Variants in HIVEP3 observed in about 807,000 individuals in gnomAD.
HIVEP3 encodes the protein transcription factor HIVEP3.
HIVEP3 carries 49 observed loss-of-function variants against 152.8 expected under a neutral mutation model. The observed-to-expected ratio is 0.32, with a 90% confidence interval of 0.26 to 0.41. HIVEP3 has a LOEUF of 0.41. Ranked by LOEUF, HIVEP3 falls within the 10% of genes least tolerant of loss-of-function variation. The pLI is 1.00. For missense variants in HIVEP3, 2,790 were observed against 3,103.3 expected, an observed-to-expected ratio of 0.90 and a Z score of 2.40; for synonymous variants, 1,269 against 1,289.0, an observed-to-expected ratio of 0.98 and a Z score of 0.33.
intron 1 of HIVEP3, among the ~76,000 whole-genome samples, chr1:41,910,490 C>A (rs1644778388): frequency 6.6e-6 from 1 of 151,860 alleles, no homozygotes; most frequent in Non-Finnish European, 1.5e-5. Flanking sequence ...AGGAAATATT[C>A]TATAACTTAC....
rs9943082 is a variant in HIVEP3 at position 41,582,785 on chromosome 1, G to C, written c.2013C>G (p.Ile671Met). The C allele has an allele frequency of 1.2e-6, 2 of 1,614,050 alleles. No homozygotes were observed. The highest frequency in any genetic ancestry group is 1.7e-6 in the Non-Finnish European group (2 of 1,180,034). The change falls in exon 4 of 9, where the codon ATC becomes ATG. Residue 671 changes from isoleucine to methionine, a missense_variant. Coordinates refer to ENST00000372583, the MANE Select transcript of HIVEP3 (RefSeq NM_024503.5). The surrounding 1 kb of genome is among the most constrained non-coding windows in gnomAD (Gnocchi z 4.7). ...GGGTGCCTGCAGAGATGGGCTTTGC[G>C]ATCTGAAGCTCTGAGCAGTAGTATT... Reference protein sequence around the residue: ...HKKYYCSELQIAKPISAGTHT... With the variant: ...HKKYYCSELQMAKPISAGTHT...
chr1:41,857,457 T>C (rs1278726283), intron 1 of HIVEP3, among the ~76,000 whole-genome samples: 1 of 152,072 alleles, frequency 6.6e-6, no homozygotes, highest in Non-Finnish European at 1.5e-5. Context: ...ATTTAAGTGA[T>C]TTAAAGAAGA....
At chr1:41,703,901 T>G (rs1646397973) in intron 1 of HIVEP3, among the ~76,000 whole-genome samples, 2 of 152,162 alleles carry the variant, frequency 1.3e-5, no homozygotes, top group African/African-American at 4.8e-5. Flanking sequence ...GATTCCAGGA[T>G]TCAAAGGCCT....
intron 1 of HIVEP3, among the ~76,000 whole-genome samples, chr1:41,945,891 A>G (rs1645072091): frequency 6.6e-6 from 1 of 152,196 alleles, no homozygotes; most frequent in Non-Finnish European, 1.5e-5. Flanking sequence ...TTTATCACTC[A>G]GTCAGCTGCA....
intron 2 of HIVEP3, among the ~76,000 whole-genome samples, chr1:41,635,326 A>G (rs1645252141): frequency 6.6e-6 from 1 of 152,110 alleles, no homozygotes; most frequent in Admixed American, 6.5e-5. Flanking sequence ...CAAAGCTTAG[A>G]TGTTTTCATG....
At chr1:41,881,117 G>C (rs1270188295) in intron 1 of HIVEP3, among the ~76,000 whole-genome samples, 2 of 152,180 alleles carry the variant, frequency 1.3e-5, no homozygotes, top group African/African-American at 4.8e-5. Context: ...GAGGATGATC[G>C]TTATGGTGGT....
At chr1:41,852,766 A>G (rs1261026120) in intron 1 of HIVEP3, among the ~76,000 whole-genome samples, 1 of 152,194 alleles carries the variant, frequency 6.6e-6, no homozygotes, top group African/African-American at 2.4e-5. Context: ...GTTACTCCCA[A>G]ACTGTTTCCA....
intron 1 of HIVEP3, among the ~76,000 whole-genome samples, chr1:41,962,495 CAT>C (rs1480748718): frequency 1.3e-5 from 2 of 152,222 alleles, no homozygotes; most frequent in Non-Finnish European, 2.9e-5. Flanking sequence ...TCGTAAAACA[CAT>C]GTCATTTGTG....
chr1:41,643,328 G>A (rs13375074), intron 2 of HIVEP3, among the ~76,000 whole-genome samples: 6,989 of 152,224 alleles, frequency 0.046, 559 homozygotes, highest in African/African-American at 0.16. Context: ...CAATCACACT[G>A]TCCAGCGACA....
chr1:41,820,134 T>C (rs901942322), intron 1 of HIVEP3, among the ~76,000 whole-genome samples: 12 of 152,204 alleles, frequency 7.9e-5, no homozygotes, highest in African/African-American at 2.7e-4. Context: ...ATATCCCCCA[T>C]ACATTTTTTG....
intron 1 of HIVEP3, among the ~76,000 whole-genome samples, chr1:41,927,352 G>A (rs1357308629): frequency 6.6e-6 from 1 of 152,166 alleles, no homozygotes; most frequent in South Asian, 2.1e-4. Context: ...TGGGGGTGGG[G>A]TGGAGTTCTC....
intron 2 of HIVEP3, among the ~76,000 whole-genome samples, chr1:41,649,796 A>G (rs1267869027): frequency 1.3e-5 from 2 of 152,226 alleles, no homozygotes; most frequent in Non-Finnish European, 2.9e-5. Context: ...AAGACAGGAA[A>G]GAAATAACTG....
At chr1:41,622,943 C>A (rs189629183) in intron 3 of HIVEP3, among the ~76,000 whole-genome samples, 26 of 152,366 alleles carry the variant, frequency 1.7e-4, no homozygotes, top group Middle Eastern at 3.4e-3. Flanking sequence ...AGAGTAACTG[C>A]TGGATATAGC....
chr1:41,882,569 G>C (rs893996621), intron 1 of HIVEP3, among the ~76,000 whole-genome samples: 8 of 152,182 alleles, frequency 5.3e-5, no homozygotes, highest in Non-Finnish European at 1.0e-4. Flanking sequence ...GGCTTGATAG[G>C]AAGGGGAAGG....
chr1:41,641,145 T>C (rs1396206387), intron 2 of HIVEP3, among the ~76,000 whole-genome samples: 1 of 152,202 alleles, frequency 6.6e-6, no homozygotes, highest in African/African-American at 2.4e-5. Flanking sequence ...AGATACCAGA[T>C]CCCATAACAA....
intron 1 of HIVEP3, among the ~76,000 whole-genome samples, chr1:41,728,835 T>A (rs936753163): frequency 6.6e-6 from 1 of 152,114 alleles, no homozygotes; most frequent in African/African-American, 2.4e-5. Context: ...GCTGCTGCGG[T>A]GAAGGTGTCA....
intron 5 of HIVEP3, among the ~76,000 whole-genome samples, chr1:41,545,132 T>TACCACCATCACCACCTCTACC (rs1643714867): frequency 1.6e-5 from 1 of 61,406 alleles, no homozygotes. Flanking sequence ...TCATCACCAC[T>TACCACCATCACCACCTCTACC]ACCACCATCA....
intron 2 of HIVEP3, among the ~76,000 whole-genome samples, chr1:41,691,383 C>A (rs1646196575): frequency 6.6e-6 from 1 of 152,268 alleles, no homozygotes; most frequent in African/African-American, 2.4e-5. Flanking sequence ...ACTGACATGA[C>A]CATCTGCTAT....
At chr1:41,831,524 G>A (rs1206131792) in intron 1 of HIVEP3, among the ~76,000 whole-genome samples, 1 of 152,210 alleles carries the variant, frequency 6.6e-6, no homozygotes, top group Non-Finnish European at 1.5e-5. Flanking sequence ...TATCCAATGA[G>A]TATCGGCTTT....
Sources: gnomAD v4.1 joint callset for allele counts (sites outside exome capture counted in the v4.1 genomes callset) on GRCh38, gnomAD v4.1.1 for gene constraint, Gnocchi (gnomAD v3.1) non-coding constraint, MANE v1.5 for transcripts, NCBI Gene and HGNC (gene_info 2026-07-23, HGNC 2026-07-21) for gene names.